Variants in AOAH observed in about 807,000 individuals in gnomAD.
AOAH encodes acyloxyacyl hydrolase (neutrophil).
A neutral mutation model predicts 92.2 loss-of-function variants in AOAH; 64 were observed. That is an observed-to-expected ratio of 0.69 (90% CI 0.57 to 0.86). AOAH has a LOEUF of 0.86. Ranked by LOEUF, AOAH falls within the 40% of genes least tolerant of loss-of-function variation. The pLI, the probability that AOAH is intolerant of heterozygous loss-of-function variation, is 0.00. For synonymous variants in AOAH, 263 were observed against 254.5 expected (o/e 1.03, Z -0.32); for missense variants, 656 against 694.6 (o/e 0.94, Z 0.62).
At chr7:36,563,010 G>A (rs1394443563) in intron 13 of AOAH, among the ~76,000 whole-genome samples, 1 of 151,778 alleles carries the variant, frequency 6.6e-6, no homozygotes, top group Admixed American at 6.6e-5. Context: ...AGCCAGGCGT[G>A]GTGGCAGGCG....
intron 1 of AOAH, among the ~76,000 whole-genome samples, chr7:36,719,237 A>T (rs557036725): frequency 6.6e-6 from 1 of 152,224 alleles, no homozygotes; most frequent in African/African-American, 2.4e-5. Flanking sequence ...GGCAATTATT[A>T]TAATTATTAA....
Position 36,540,496 on chromosome 7 carries a change from T to C in AOAH, c.1134-5A>G. 2 of 1,601,442 alleles carry C rather than the reference T, an allele frequency of 1.2e-6. No homozygotes were observed. Among genetic ancestry groups the C allele is most frequent in the East Asian group, 4.5e-5 (2 of 44,672 alleles). On this transcript the variant is annotated splice_region_variant and splice_polypyrimidine_tract_variant and intron_variant, in intron 15 of 20. Transcript: ENST00000617537. Reference sequence around the variant, plus strand: ...GCTGGGACTGGGTCACTCTTCCTGTTGGTGGAATAAACAGAAAATATCTTG... The same window carrying C: ...GCTGGGACTGGGTCACTCTTCCTGTCGGTGGAATAAACAGAAAATATCTTG...
chr7:36,691,310 T>C (rs2116819522), intron 1 of AOAH, among the ~76,000 whole-genome samples: 1 of 152,244 alleles, frequency 6.6e-6, no homozygotes, highest in South Asian at 2.1e-4. Context: ...TTGAACACAA[T>C]ATTTGGTGAA....
At chr7:36,519,170 T>A (rs1054723437) in intron 20 of AOAH, among the ~76,000 whole-genome samples, 1 of 152,200 alleles carries the variant, frequency 6.6e-6, no homozygotes, top group Non-Finnish European at 1.5e-5. Context: ...CCCATGTCCC[T>A]CAGGATCAAG....
chr7:36,544,399 G>C (rs923384187), intron 15 of AOAH, among the ~76,000 whole-genome samples: 3 of 152,094 alleles, frequency 2.0e-5, no homozygotes, highest in African/African-American at 7.2e-5. Flanking sequence ...AGGACGAATG[G>C]GCTGAGCTGA....
intron 12 of AOAH, among the ~76,000 whole-genome samples, chr7:36,588,767 A>T (rs1789535394): frequency 6.6e-6 from 1 of 152,170 alleles, no homozygotes; most frequent in Admixed American, 6.5e-5. Context: ...ATTCTAGGAC[A>T]CCTCTCACTA....
At chr7:36,686,170 A>G (rs1203429431) in intron 2 of AOAH, among the ~76,000 whole-genome samples, 1 of 152,210 alleles carries the variant, frequency 6.6e-6, no homozygotes, top group African/African-American at 2.4e-5. Flanking sequence ...ATCAGTTTCT[A>G]CCTTTGGTGG....
chr7:36,634,046 G>A (rs554794469), intron 5 of AOAH, among the ~76,000 whole-genome samples: 185 of 152,296 alleles, frequency 1.2e-3, no homozygotes, highest in African/African-American at 4.3e-3. Flanking sequence ...GCACTGATGG[G>A]AAACAGGGCG....
At chr7:36,524,518 A>G (rs938048348) in intron 19 of AOAH, among the ~76,000 whole-genome samples, 2 of 144,078 alleles carry the variant, frequency 1.4e-5, no homozygotes, top group Admixed American at 1.4e-4. Context: ...AAAAAAAAAC[A>G]AAAAAAAATT....
intron 11 of AOAH, among the ~76,000 whole-genome samples, chr7:36,602,342 T>G (rs925586171): frequency 6.6e-6 from 1 of 152,184 alleles, no homozygotes; most frequent in African/African-American, 2.4e-5. Flanking sequence ...ATTTATTTAT[T>G]CAATGAATGA....
chr7:36,590,370 T>C (rs986334809), intron 12 of AOAH, among the ~76,000 whole-genome samples: 3 of 152,120 alleles, frequency 2.0e-5, no homozygotes, highest in African/African-American at 4.8e-5. Context: ...AAAATCCCAG[T>C]ATATTTTTTA....
At chr7:36,602,529 T>C (rs1457482159) in intron 11 of AOAH, among the ~76,000 whole-genome samples, 1 of 151,274 alleles carries the variant, frequency 6.6e-6, no homozygotes. Flanking sequence ...AATATCCTCC[T>C]CATATGCAGA....
chr7:36,673,900 G>A (rs1186053575), intron 3 of AOAH, 43 bp downstream of exon 3: 11 of 1,421,962 alleles, frequency 7.7e-6, no homozygotes, highest in Non-Finnish European at 1.1e-5. Context: ...TTCCTCCCAT[G>A]TCCCAGCAAT....
At chr7:36,555,390 T>G (rs894655288) in intron 13 of AOAH, among the ~76,000 whole-genome samples, 1 of 152,174 alleles carries the variant, frequency 6.6e-6, no homozygotes, top group Admixed American at 6.5e-5. Flanking sequence ...GGTCTGCCAG[T>G]ATTTTATTGA....
At chr7:36,694,038 A>G (rs1487877478) in intron 1 of AOAH, among the ~76,000 whole-genome samples, 1 of 152,252 alleles carries the variant, frequency 6.6e-6, no homozygotes, top group Non-Finnish European at 1.5e-5. Flanking sequence ...TGACAATTTC[A>G]TTAAGTTCCC....
intron 16 of AOAH, 29 bp from the exon 17 acceptor site, chr7:36,532,373 C>T: frequency 1.2e-6 from 2 of 1,610,312 alleles, no homozygotes; most frequent in Non-Finnish European, 8.5e-7. Context: ...TGGTAGATTG[C>T]ATCCACTCGG....
intron 13 of AOAH, among the ~76,000 whole-genome samples, chr7:36,575,010 G>GT (rs1788385279): frequency 8.8e-6 from 1 of 114,254 alleles, no homozygotes; most frequent in Admixed American, 1.0e-4. Context: ...CCTCACAGAT[G>GT]ATTTTTTTTT....
At chr7:36,710,974 G>A (rs1407244341) in intron 1 of AOAH, among the ~76,000 whole-genome samples, 1 of 152,156 alleles carries the variant, frequency 6.6e-6, no homozygotes, top group African/African-American at 2.4e-5. Context: ...AAGTGGTGCC[G>A]AGGGTGAAGC....
intron 9 of AOAH, 33 bp from the exon 10 acceptor site, chr7:36,618,378 G>T: frequency 6.2e-7 from 1 of 1,609,538 alleles, no homozygotes; most frequent in East Asian, 2.2e-5. Context: ...TTAGCAGTTT[G>T]GTTTTAAATT....
Sources: gnomAD v4.1 joint callset for allele counts (sites outside exome capture counted in the v4.1 genomes callset) on GRCh38, gnomAD v4.1.1 for gene constraint, MANE v1.5 for transcripts, NCBI Gene and HGNC (gene_info 2026-07-23, HGNC 2026-07-21) for gene names.